Variants in TTC38 observed in about 807,000 individuals in gnomAD.
TTC38 encodes tetratricopeptide repeat domain 38, also known as tetratricopeptide repeat protein 38.
A neutral mutation model predicts 64.2 loss-of-function variants in TTC38; 64 were observed. The observed-to-expected ratio is 1.00, with a 90% CI of 0.81 to 1.23. The LOEUF is 1.23. Among genes scored for constraint, TTC38 ranks in the 50% most tolerant of loss-of-function variants. The probability of loss-of-function intolerance (pLI) is 0.00; values close to 1 mark genes in which losing one functional copy is unlikely to be tolerated. For missense variants in TTC38, 573 were observed against 615.5 expected (o/e 0.93, Z 0.73); for synonymous variants, 254 against 249.3 (o/e 1.02, Z -0.18).
In TTC38 at chr22:46,282,497, C is replaced by T. The variant is rs778657060; in HGVS notation, c.735+779C>T. Among the ~76,000 whole-genome samples, 5 of 152,314 alleles carry T rather than the reference C, an allele frequency of 3.3e-5. No homozygotes were observed. Among genetic ancestry groups the T allele is most frequent in the African/African-American group, 7.2e-5 (3 of 41,576 alleles). On this transcript the variant is annotated intron_variant, in intron 7 of 13. Transcript: ENST00000381031. This position sits in a 1 kb window ranked among gnomAD's most constrained non-coding sequence, Gnocchi z 4.4. ...GGCCTCCCCTGGGACAGGGACACAGCGTCGCTCACTCAGCGTTTACTGAAT... is the reference window on the plus strand; with the variant it reads ...GGCCTCCCCTGGGACAGGGACACAGTGTCGCTCACTCAGCGTTTACTGAAT...
chr22:46,285,371 C>T (rs1356203233), intron 9 of TTC38, 92 bp downstream of exon 9: 2 of 1,260,692 alleles, frequency 1.6e-6, no homozygotes, highest in African/African-American at 2.9e-5. Flanking sequence ...AGGATTGTCC[C>T]AGCCAGAAAA....
chr22:46,274,053 G>A lies in TTC38; in HGVS notation c.349G>A (p.Glu117Lys). 6.2e-7 allele frequency: 1 copy of A among 1,613,832 alleles called. No individual in the cohort carries two copies. The highest frequency in any genetic ancestry group is 8.5e-7 in the Non-Finnish European group (1 of 1,179,888). Residue 117 changes from glutamate to lysine, a missense_variant, in exon 4 of 14, where the codon GAG becomes AAG. Physicochemically the swap from Glu to Lys is moderately conservative, Grantham distance 56 (BLOSUM62 1). Transcript: ENST00000381031. This position sits in a 1 kb window ranked among gnomAD's most constrained non-coding sequence, Gnocchi z 4.8. ...GGAGCAGCTGCACGTGTCTGCAGTAGAGACATTTGCCAATGGGTGAGGGGC... is the reference window on the plus strand; with the variant it reads ...GGAGCAGCTGCACGTGTCTGCAGTAAAGACATTTGCCAATGGGTGAGGGGC... ...RREQLHVSAV[E>K]TFANGNFPKA...
Position 46,268,534 on chromosome 22 carries a change from C to T in TTC38, c.54C>T (p.Leu18=). The change falls in exon 2 of 14, where the codon CTC becomes CTT. Residue 18 remains leucine, a synonymous_variant. Coordinates refer to ENST00000381031, the MANE Select transcript of TTC38 (RefSeq NM_017931.4). ...RDCQAWKDAR[L]PLSTTSNEAC... is the part of the protein sequence containing the mutation. ...TGTAGGCCTGGAAGGATGCGAGGCT[C>T]CCGCTCTCCACCACAAGCAACGAAG... 8 of 1,613,986 alleles carry T rather than the reference C, an allele frequency of 5.0e-6. No individual in the cohort carries two copies. The highest frequency in any genetic ancestry group is 6.8e-6 in the Non-Finnish European group (8 of 1,180,024).
rs543650298 is a variant in TTC38, at chr22:46,292,952, A to C, written c.*68A>C. On this transcript the variant is annotated 3_prime_UTR_variant, in exon 14 of 14. Transcript: ENST00000381031. The surrounding 1 kb of genome is among the most constrained non-coding windows in gnomAD (Gnocchi z 6.5). ...GTCACTGCGTCCAGTCAGCTGCTCC[A>C]CCGGGTTAGGGTCAGGAGACGGCCA... 139 of 1,307,496 alleles carry C rather than the reference A, an allele frequency of 1.1e-4. 2 individuals carry two copies. In the South Asian group the frequency reaches 1.6e-3, roughly 15 times the overall value. 81.0% of individuals were successfully genotyped at this position (1,307,496 alleles called of 1,614,324 possible). A position where few individuals can be genotyped will look rare whatever the true frequency, so the allele number is the denominator to read the frequency against.
chr22:46,268,812 G>C (rs1936823892), intron 2 of TTC38: 1 of 497,428 alleles, frequency 2.0e-6, no homozygotes, highest in Non-Finnish European at 3.7e-6. Context: ...AGCCTCCCGA[G>C]TAGCTGGGAC....
intron 12 of TTC38, 114 bp from the exon 13 acceptor site, chr22:46,289,712 G>C (rs746451819): frequency 6.8e-7 from 1 of 1,466,486 alleles, no homozygotes; most frequent in Non-Finnish European, 9.5e-7. Context: ...TCGTCGTTGA[G>C]GGTGTGGCAT....
chr22:46,268,980 C>G, intron 2 of TTC38: 8 of 344,850 alleles, frequency 2.3e-5, no homozygotes, highest in South Asian at 1.8e-4. Context: ...AGCCACCGCG[C>G]CCGGCCATGG....
chr22:46,289,308 G>T (rs2077594615), intron 11 of TTC38, 94 bp from the exon 12 acceptor site: 2 of 1,483,590 alleles, frequency 1.3e-6, no homozygotes, highest in South Asian at 1.3e-5. Flanking sequence ...TCAGGCACTG[G>T]ACCAGGGACA....
Position 46,280,305 on chromosome 22 carries a change from G to T in TTC38, c.616-1294G>T, listed in dbSNP as rs1035632729. 63 of 421,478 alleles carry T rather than the reference G, an allele frequency of 1.5e-4. 1 individual carries two copies. The Admixed American group carries it at 1.8e-3, about 12-fold the overall frequency. The allele number at this position is 421,478 out of a possible 1,614,324, so 26.1% of individuals were successfully genotyped here. A position where few individuals can be genotyped will look rare whatever the true frequency, so the allele number is the denominator to read the frequency against. ...CAATGGGTGGAGGCTTAGGGAGGAG[G>T]CGGCAAGCCAGGGCTCCAGGAGCCA... is the stretch of plus-strand genomic sequence containing the variant. On this transcript the variant is annotated intron_variant, in intron 6 of 13. Coordinates refer to ENST00000381031, the MANE Select transcript of TTC38 (RefSeq NM_017931.4).
At chr22:46,286,271 A>G (rs1766810748) in intron 9 of TTC38, among the ~76,000 whole-genome samples, 1 of 152,120 alleles carries the variant, frequency 6.6e-6, no homozygotes, top group African/African-American at 2.4e-5. Flanking sequence ...GGACCACAGA[A>G]ATGCTTGTGA....
In TTC38 at chr22:46,272,867, G is replaced by A. The variant is rs1056940275; in HGVS notation, c.193+451G>A. Among the ~76,000 whole-genome samples the A allele has an allele frequency of 2.0e-5, 3 of 152,174 alleles. No individual in the cohort carries two copies. The highest frequency in any genetic ancestry group is 2.9e-5 in the Non-Finnish European group (2 of 68,042). On this transcript the variant is annotated intron_variant, in intron 3 of 13. Coordinates refer to ENST00000381031, the MANE Select transcript of TTC38 (RefSeq NM_017931.4). This position sits in a 1 kb window ranked among gnomAD's most constrained non-coding sequence, Gnocchi z 6.4. ...GTGAGGCCTCATCCAGAGTGGCCAG[G>A]GTGAGGTGGTGACAGAGGCTGGCAT...
rs1936957937 is a variant in TTC38, at chr22:46,274,140, C to A, written c.365+71C>A. 3 of 1,300,348 alleles carry A rather than the reference C, an allele frequency of 2.3e-6. No individual in the cohort carries two copies. In the Admixed American group the frequency reaches 5.5e-5, roughly 24 times the overall value. The allele number at this position is 1,300,348 out of a possible 1,614,324, so 80.6% of individuals were successfully genotyped here. A position where few individuals can be genotyped will look rare whatever the true frequency, so the allele number is the denominator to read the frequency against. ...TGGGGGAGTGGCAGGGTATCCCTTT[C>A]CTGATGCCCTTGGGACGGGGGCGGG... On this transcript the variant is annotated intron_variant, in intron 4 of 13. Coordinates refer to ENST00000381031, the MANE Select transcript of TTC38 (RefSeq NM_017931.4). The surrounding 1 kb of genome is among the most constrained non-coding windows in gnomAD (Gnocchi z 4.8).
At chr22:46,285,189 C>CATT in intron 8 of TTC38, 52 bp from the exon 9 acceptor site, 4 of 1,556,770 alleles carry the variant, frequency 2.6e-6, no homozygotes, top group Non-Finnish European at 3.5e-6. Context: ...CACGTGCCAG[C>CATT]ATTACACTTT....
chr22:46,288,655 C>T, intron 11 of TTC38, 67 bp downstream of exon 11: 1 of 1,516,588 alleles, frequency 6.6e-7, no homozygotes, highest in South Asian at 1.2e-5. Context: ...GGTGCTAGGG[C>T]CATGCTGAGA....
In TTC38 at chr22:46,273,780, C is replaced by T. The variant is rs2036139993; in HGVS notation, c.194-118C>T. The T allele has an allele frequency of 3.1e-6, 3 of 975,312 alleles. No individual in the cohort carries two copies. In the South Asian group the frequency reaches 4.8e-5, roughly 16 times the overall value. The allele number at this position is 975,312 out of a possible 1,614,324, so 60.4% of individuals were successfully genotyped here. On this transcript the variant is annotated intron_variant, in intron 3 of 13. Coordinates refer to ENST00000381031, the MANE Select transcript of TTC38 (RefSeq NM_017931.4). The surrounding 1 kb of genome is among the most constrained non-coding windows in gnomAD (Gnocchi z 5.1). ...AGGCAGGGCCACAGTGCCCAGCCTG[C>T]TGCTGCCTGGCTGGCCCCTCCTGGG...
chr22:46,284,126 G>GCATCA, intron 8 of TTC38, 94 bp downstream of exon 8: 2 of 1,048,458 alleles, frequency 1.9e-6, no homozygotes, highest in Non-Finnish European at 2.9e-6. Context: ...CACATCCGTT[G>GCATCA]GAGCCCTGAT....
At position 46,272,338 on chromosome 22, in the gene TTC38, G is replaced by A; in HGVS notation, c.115G>A (p.Val39Ile). ...KLFDATLTQY[V>I]KWTNDKSLGG... is the part of the protein sequence containing the mutation. Reference sequence around the variant, plus strand: ...TGTTTTGCTTTTCCCATTTCAGTATGTAAAATGGACCAATGACAAGAGTCT... The same window carrying A: ...TGTTTTGCTTTTCCCATTTCAGTATATAAAATGGACCAATGACAAGAGTCT... The change falls in exon 3 of 14, where the codon GTA (valine) becomes ATA (isoleucine). Residue 39 changes from valine to isoleucine, a missense_variant. By Grantham distance (29) the Val-to-Ile change is conservative. This residue lies in a region of TTC38 where 134 missense variants were observed against 126.5 expected (regional missense o/e 1.06). Coordinates refer to ENST00000381031, the MANE Select transcript of TTC38 (RefSeq NM_017931.4). This position sits in a 1 kb window ranked among gnomAD's most constrained non-coding sequence, Gnocchi z 6.4. The A allele has an allele frequency of 6.2e-7, 1 of 1,613,140 alleles. No homozygotes were observed. The highest frequency in any genetic ancestry group is 8.5e-7 in the Non-Finnish European group (1 of 1,179,322).
In TTC38 at chr22:46,272,408, C is replaced by G; in HGVS notation, c.185C>G (p.Pro62Arg). 6.2e-7 allele frequency: 1 copy of G among 1,613,602 alleles called. No individual in the cohort carries two copies. Among genetic ancestry groups the G allele is most frequent in the East Asian group, 2.2e-5 (1 of 44,864 alleles). The change falls in exon 3 of 14, where the codon CCA becomes CGA. Residue 62 changes from proline to arginine, a missense_variant. Around this residue, in one of 3 missense-constraint regions of TTC38, gnomAD observed 134 missense variants for 126.5 expected, o/e 1.06. Coordinates refer to ENST00000381031, the MANE Select transcript of TTC38 (RefSeq NM_017931.4). This position sits in a 1 kb window ranked among gnomAD's most constrained non-coding sequence, Gnocchi z 6.4. Reference sequence around the variant, plus strand: ...CTGTCAAAGCTCAAAGCAGCAGATCCAACCTTTGGTGAGTAACGCCTTCCC... The same window carrying G: ...CTGTCAAAGCTCAAAGCAGCAGATCGAACCTTTGGTGAGTAACGCCTTCCC... ...GCLSKLKAAD[P>R]TFVMGHAMAT...
In TTC38 at chr22:46,281,737, G is replaced by A. The variant is rs2077536886; in HGVS notation, c.735+19G>A. On this transcript the variant is annotated intron_variant, in intron 7 of 13. Transcript: ENST00000381031. This position sits in a 1 kb window ranked among gnomAD's most constrained non-coding sequence, Gnocchi z 5.2. ...CTGGAAGGTATGATGCTTGTCAATG[G>A]GTCACCTCCCTGGGAAATTCAGTGC... is the stretch of plus-strand genomic sequence containing the variant. 2 of 1,613,120 alleles carry A rather than the reference G, an allele frequency of 1.2e-6. No homozygotes were observed. The highest frequency in any genetic ancestry group is 1.7e-6 in the Non-Finnish European group (2 of 1,179,914).
Sources: allele counts gnomAD v4.1 joint callset (sites outside exome capture counted in the v4.1 genomes callset), GRCh38; gene constraint gnomAD v4.1.1; regional missense constraint gnomAD v4.1.1; non-coding constraint Gnocchi (gnomAD v3.1); transcripts MANE v1.5; gene names NCBI Gene and HGNC (gene_info 2026-07-23, HGNC 2026-07-21).